SLCO3A1: variants seen among roughly 807,000 people sequenced by gnomAD.
SLCO3A1 encodes the protein PGE1 transporter.
A neutral mutation model predicts 63.1 loss-of-function variants in SLCO3A1; 27 were observed. That is an observed-to-expected ratio of 0.43 (90% CI 0.32 to 0.59). SLCO3A1 has a LOEUF of 0.59. Ranked by LOEUF, SLCO3A1 falls within the 20% of genes least tolerant of loss-of-function variation. SLCO3A1 has a pLI of 0.09. For missense variants in SLCO3A1, 773 were observed against 945.8 expected (o/e 0.82, Z 2.40); for synonymous variants, 473 against 409.9 (o/e 1.15, Z -1.86).
chr15:91,866,835 T>C (rs1897177509), intron 1 of SLCO3A1, among the ~76,000 whole-genome samples: 1 of 152,048 alleles, frequency 6.6e-6, no homozygotes, highest in African/African-American at 2.4e-5. Flanking sequence ...CTAGTTGTAT[T>C]ACAATAGACC....
At chr15:91,971,792 G>A (rs968046172) in intron 2 of SLCO3A1, among the ~76,000 whole-genome samples, 70 of 152,250 alleles carry the variant, frequency 4.6e-4, no homozygotes, top group African/African-American at 1.6e-3. Context: ...ACCTAACCCT[G>A]TATTTCCCCT....
At chr15:92,047,134 T>A (rs1457205875) in intron 2 of SLCO3A1, among the ~76,000 whole-genome samples, 259 of 7,730 alleles carry the variant, frequency 0.034, 57 homozygotes, top group Middle Eastern at 0.17. Flanking sequence ...TATATACAAA[T>A]ATATATATAA....
chr15:91,896,458 T>C (rs1898006901), intron 1 of SLCO3A1, among the ~76,000 whole-genome samples: 1 of 152,230 alleles, frequency 6.6e-6, no homozygotes, highest in Non-Finnish European at 1.5e-5. Flanking sequence ...TCATCTTGAA[T>C]TGTAGCTCCA....
chr15:91,891,921 T>G (rs901938452), intron 1 of SLCO3A1, among the ~76,000 whole-genome samples: 3 of 152,228 alleles, frequency 2.0e-5, no homozygotes, highest in Admixed American at 6.5e-5. Context: ...TGGGCATGGC[T>G]GTGTTCCAGA....
chr15:92,065,776 T>A (rs113833210), intron 2 of SLCO3A1, among the ~76,000 whole-genome samples: 33 of 152,320 alleles, frequency 2.2e-4, no homozygotes, highest in African/African-American at 7.7e-4. Flanking sequence ...TACGTGCACA[T>A]TTTACAGAGT....
intron 3 of SLCO3A1, among the ~76,000 whole-genome samples, chr15:92,099,402 T>G (rs1425448619): frequency 2.0e-5 from 3 of 151,650 alleles, no homozygotes; most frequent in African/African-American, 7.3e-5. Context: ...TTGAGTCCCA[T>G]AGCAAAAGTT....
chr15:92,155,367 C>G (rs193029747), intron 9 of SLCO3A1: 2 of 152,286 alleles, frequency 1.3e-5, no homozygotes, highest in Non-Finnish European at 2.9e-5. Context: ...AGGGGCTGCT[C>G]AGGGTGCACA....
Position 92,163,154 on chromosome 15 carries a change from A to G in SLCO3A1, c.*19A>G. On this transcript the variant is annotated 3_prime_UTR_variant, in exon 10 of 10. Coordinates refer to ENST00000318445, the MANE Select transcript of SLCO3A1 (RefSeq NM_013272.4). ...TTTATAGTGACTAAAGGAGGGCTGA[A>G]CTCTGTATTAGTAATCCAAGGGTCA... The G allele has an allele frequency of 6.7e-7, 1 of 1,492,846 alleles. No individual in the cohort carries two copies. The highest frequency in any genetic ancestry group is 1.4e-5 in the African/African-American group (1 of 70,842). The allele number at this position is 1,492,846 out of a possible 1,614,324, so 92.5% of individuals were successfully genotyped here.
chr15:92,047,512 T>A (rs1172397220), intron 2 of SLCO3A1, among the ~76,000 whole-genome samples: 15 of 18,450 alleles, frequency 8.1e-4, no homozygotes, highest in East Asian at 3.4e-3. Flanking sequence ...TAAATATATA[T>A]AAATACATAA....
In SLCO3A1 at chr15:92,165,146, C is replaced by G. The variant is rs1286244654; in HGVS notation, c.*2011C>G. 1 of 985,244 alleles carries G rather than the reference C, an allele frequency of 1.0e-6. No individual in the cohort carries two copies. Among genetic ancestry groups the G allele is most frequent in the African/African-American group, 1.7e-5 (1 of 57,214 alleles). The allele number at this position is 985,244 out of a possible 1,614,324, so 61.0% of individuals were successfully genotyped here. A position where few individuals can be genotyped will look rare whatever the true frequency, so the allele number is the denominator to read the frequency against. ...AATCTAGAGAAGGCACTCAGCAAGA[C>G]CAACCAAAAGAAAAGCTGTGTCGTG... On this transcript the variant is annotated 3_prime_UTR_variant, in exon 10 of 10. Coordinates refer to ENST00000318445, the MANE Select transcript of SLCO3A1 (RefSeq NM_013272.4).
intron 2 of SLCO3A1, among the ~76,000 whole-genome samples, chr15:91,974,111 C>T (rs1033697227): frequency 1.1e-4 from 16 of 151,906 alleles, no homozygotes; most frequent in Admixed American, 1.0e-3. Flanking sequence ...CCAAAGCCAT[C>T]TGGAAAAGAC....
At chr15:92,125,515 C>T (rs940373019) in intron 5 of SLCO3A1, among the ~76,000 whole-genome samples, 2 of 152,066 alleles carry the variant, frequency 1.3e-5, no homozygotes, top group African/African-American at 2.4e-5. Context: ...TGAGGGGTGG[C>T]GGAGCTGGTT....
intron 2 of SLCO3A1, among the ~76,000 whole-genome samples, chr15:91,998,260 C>T (rs920958899): frequency 5.9e-5 from 9 of 152,100 alleles, no homozygotes; most frequent in Non-Finnish European, 2.9e-5. Context: ...TCGAGACCAA[C>T]GTAGCCCACA....
At chr15:92,021,103 T>C (rs933757912) in intron 2 of SLCO3A1, among the ~76,000 whole-genome samples, 4 of 152,226 alleles carry the variant, frequency 2.6e-5, no homozygotes. Flanking sequence ...ACTCAACAAA[T>C]GGCAGCCACT....
chr15:92,105,414 G>A (rs2047655896), intron 4 of SLCO3A1, among the ~76,000 whole-genome samples: 1 of 152,210 alleles, frequency 6.6e-6, no homozygotes, highest in Non-Finnish European at 1.5e-5. Context: ...ACTTTAGGAT[G>A]CAGCAAAGCT....
Position 91,969,470 on chromosome 15 carries a change from TA to T in SLCO3A1, c.646+53014del, listed in dbSNP as rs1035635651. On this transcript the variant is annotated intron_variant, in intron 2 of 9. Transcript: ENST00000318445. ...ACAGGTACGTGCCACCATGCCTGGC[TA>T]ATTTTTGTATTTTTAGTAAAGTAGG... is the stretch of plus-strand genomic sequence containing the variant. Among the ~76,000 whole-genome samples the T allele has an allele frequency of 4.3e-4, 66 of 152,238 alleles. 2 individuals are homozygous for T. Among genetic ancestry groups the T allele is most frequent in the African/African-American group, 1.4e-3 (57 of 41,546 alleles).
At chr15:92,107,126 C>T (rs773066115) in intron 4 of SLCO3A1, among the ~76,000 whole-genome samples, 2 of 152,118 alleles carry the variant, frequency 1.3e-5, no homozygotes, top group East Asian at 1.9e-4. Flanking sequence ...GTCTGGGACC[C>T]GCGAGGCCAT....
At chr15:92,069,054 T>A (rs1397084777) in intron 2 of SLCO3A1, among the ~76,000 whole-genome samples, 2 of 151,424 alleles carry the variant, frequency 1.3e-5, no homozygotes, top group Non-Finnish European at 2.9e-5. Context: ...CCTCAATAAC[T>A]CCATGCTCCA....
At chr15:91,898,879 G>A (rs1268274898) in intron 1 of SLCO3A1, among the ~76,000 whole-genome samples, 2 of 152,192 alleles carry the variant, frequency 1.3e-5, no homozygotes, top group African/African-American at 4.8e-5. Flanking sequence ...ATAATGAAGA[G>A]AGGTTAAAAA....
Sources: gnomAD v4.1 joint callset for allele counts (sites outside exome capture counted in the v4.1 genomes callset) on GRCh38, gnomAD v4.1.1 for gene constraint, MANE v1.5 for transcripts, NCBI Gene and HGNC (gene_info 2026-07-23, HGNC 2026-07-21) for gene names.